The following LUZP2 variants were observed in gnomAD, a reference collection of about 807,000 sequenced individuals.
LUZP2 encodes leucine zipper protein 2.
LUZP2 carries 52 observed loss-of-function variants against 51.6 expected under a neutral mutation model. That is an observed-to-expected ratio of 1.01 (90% CI 0.81 to 1.27). LUZP2 has a LOEUF of 1.27. LUZP2 is among the 50% of genes most tolerant of loss of function. LUZP2 has a pLI of 0.00. For synonymous variants in LUZP2, 154 were observed against 137.3 expected (o/e 1.12, Z -0.85); for missense variants, 436 against 395.4 (o/e 1.10, Z -0.87).
chr11:25,036,113 T>C (rs1461934583), intron 9 of LUZP2, among the ~76,000 whole-genome samples: 1 of 152,116 alleles, frequency 6.6e-6, no homozygotes, highest in Non-Finnish European at 1.5e-5. Flanking sequence ...TTTTGCCTGA[T>C]AGATTCTTTA....
At chr11:24,574,247 T>C (rs1186588729) in intron 1 of LUZP2, among the ~76,000 whole-genome samples, 236 of 2,106 alleles carry the variant, frequency 0.11, 4 homozygotes, top group African/African-American at 0.17. Context: ...TTTCTTTCTT[T>C]CTTTCTTTCT....
chr11:24,998,131 A>G (rs2133937490), intron 9 of LUZP2, among the ~76,000 whole-genome samples: 1 of 152,216 alleles, frequency 6.6e-6, no homozygotes, highest in South Asian at 2.1e-4. Flanking sequence ...ATGAACTTTA[A>G]GGTAGTTTTT....
At chr11:25,043,959 A>G (rs992785493) in intron 9 of LUZP2, among the ~76,000 whole-genome samples, 2 of 104,686 alleles carry the variant, frequency 1.9e-5, no homozygotes, top group Non-Finnish European at 4.2e-5. Flanking sequence ...TGATATATAT[A>G]TAGTCCATAT....
chr11:24,734,726 C>A (rs896486947), intron 3 of LUZP2, among the ~76,000 whole-genome samples: 2 of 151,988 alleles, frequency 1.3e-5, no homozygotes, highest in East Asian at 1.9e-4. Context: ...ATTTCAAAAT[C>A]TGACTTATTA....
intron 7 of LUZP2, among the ~76,000 whole-genome samples, chr11:24,974,592 T>C (rs1345288949): frequency 6.6e-6 from 1 of 152,044 alleles, no homozygotes; most frequent in Non-Finnish European, 1.5e-5. Flanking sequence ...GATTTAAATA[T>C]AATTTATAAA....
At chr11:24,913,088 G>A (rs542921723) in intron 6 of LUZP2, among the ~76,000 whole-genome samples, 26 of 152,192 alleles carry the variant, frequency 1.7e-4, no homozygotes, top group Admixed American at 1.6e-3. Flanking sequence ...TCTAGTTTAA[G>A]TGTACAGTCT....
intron 1 of LUZP2, among the ~76,000 whole-genome samples, chr11:24,555,065 T>C (rs1851826248): frequency 8.3e-6 from 1 of 120,382 alleles, no homozygotes; most frequent in Non-Finnish European, 1.9e-5. Context: ...GTAGATCTGA[T>C]TGCTTGTTTG....
intron 7 of LUZP2, among the ~76,000 whole-genome samples, chr11:24,926,483 G>GTA (rs202180390): frequency 2.4e-4 from 25 of 102,894 alleles, no homozygotes; most frequent in Non-Finnish European, 1.8e-4. Context: ...ATATGTGTGT[G>GTA]TATATATATG....
intron 1 of LUZP2, among the ~76,000 whole-genome samples, chr11:24,569,691 T>C (rs901704841): frequency 8.5e-4 from 2 of 2,350 alleles, no homozygotes; most frequent in African/African-American, 1.1e-3. Context: ...TTTCACATTC[T>C]ATATCCTATT....
At chr11:24,569,433 T>C (rs1852354688) in intron 1 of LUZP2, among the ~76,000 whole-genome samples, 4 of 152,058 alleles carry the variant, frequency 2.6e-5, no homozygotes, top group South Asian at 2.1e-4. Flanking sequence ...TTCTATTCAG[T>C]AGGTCTAGGA....
intron 10 of LUZP2, 86 bp downstream of exon 10, chr11:25,050,216 G>A (rs1858451423): frequency 4.1e-6 from 2 of 487,896 alleles, no homozygotes; most frequent in African/African-American, 2.1e-5. Context: ...ATGCCACCAT[G>A]AAACTATTTA....
At chr11:24,771,720 G>A (rs910436926) in intron 5 of LUZP2, among the ~76,000 whole-genome samples, 1 of 152,042 alleles carries the variant, frequency 6.6e-6, no homozygotes, top group African/African-American at 2.4e-5. Flanking sequence ...GTGTCAAAGG[G>A]TGGGGGCCAG....
chr11:24,963,404 G>T (rs1232548881), intron 7 of LUZP2, among the ~76,000 whole-genome samples: 1 of 152,218 alleles, frequency 6.6e-6, no homozygotes, highest in Non-Finnish European at 1.5e-5. Flanking sequence ...TCCTTGAGCT[G>T]TGGTGGGCTC....
chr11:24,861,685 A>G (rs1480911188), intron 5 of LUZP2, among the ~76,000 whole-genome samples: 1 of 152,194 alleles, frequency 6.6e-6, no homozygotes, highest in Non-Finnish European at 1.5e-5. Flanking sequence ...AAACAGCTGG[A>G]GCTGCTTGCT....
intron 1 of LUZP2, among the ~76,000 whole-genome samples, chr11:24,601,888 G>GTATATATGTATATATGTA (rs1853655101): frequency 9.6e-6 from 1 of 104,248 alleles, no homozygotes; most frequent in African/African-American, 5.7e-5. Context: ...ATGTATATAT[G>GTATATATGTATATATGTA]TATATATGTA....
At chr11:24,917,167 T>A (rs1853815205) in intron 7 of LUZP2, among the ~76,000 whole-genome samples, 1 of 152,174 alleles carries the variant, frequency 6.6e-6, no homozygotes, top group African/African-American at 2.4e-5. Context: ...CTTTGCCCAA[T>A]TTTGATGGGG....
chr11:24,580,105 C>T (rs1852795572), intron 1 of LUZP2, among the ~76,000 whole-genome samples: 1 of 151,990 alleles, frequency 6.6e-6, no homozygotes, highest in Non-Finnish European at 1.5e-5. Context: ...TTGCTATTTT[C>T]TGTTTAATAG....
At chr11:24,729,135 T>TG in intron 1 of LUZP2, 34 bp from the exon 2 acceptor site, 7 of 1,180,972 alleles carry the variant, frequency 5.9e-6, no homozygotes, top group Non-Finnish European at 8.1e-6. Flanking sequence ...TGGAACCATT[T>TG]GGGGGGCTCT....
intron 5 of LUZP2, among the ~76,000 whole-genome samples, chr11:24,896,578 G>T (rs540359654): frequency 3.9e-5 from 6 of 152,044 alleles, no homozygotes; most frequent in African/African-American, 1.2e-4. Context: ...TCCTCACCCC[G>T]CCTCCCCCCA....
Sources: allele counts gnomAD v4.1 joint callset (sites outside exome capture counted in the v4.1 genomes callset), GRCh38; gene constraint gnomAD v4.1.1; transcripts MANE v1.5; gene names NCBI Gene and HGNC (gene_info 2026-07-23, HGNC 2026-07-21).